Variants in NR2F1 observed in about 807,000 individuals in gnomAD.
NR2F1 encodes the protein nuclear receptor subfamily 2 group F member 1, also known as COUP transcription factor 1.
In NR2F1, 1 loss-of-function variant was observed where a neutral mutation model predicts 37.7. The ratio of observed to expected loss-of-function variants is 0.03; its 90% CI spans 0.01 to 0.13. NR2F1 has a LOEUF of 0.13. Ranked by LOEUF, NR2F1 falls within the 10% of genes least tolerant of loss-of-function variation. NR2F1 has a pLI of 1.00. For missense variants in NR2F1, 268 were observed against 578.4 expected (o/e 0.46, Z 5.50); for synonymous variants, 275 against 259.6 (o/e 1.06, Z -0.57).
At position 93,584,215 on chromosome 5, in the gene NR2F1, A is replaced by C. The variant is rs1171366800; in HGVS notation, c.-809A>C. 4 of 146,774 alleles carry C rather than the reference A, an allele frequency of 2.7e-5. No individual in the cohort carries two copies. The highest frequency in any genetic ancestry group is 6.1e-5 in the Non-Finnish European group (4 of 66,088). 9.1% of individuals were successfully genotyped at this position (146,774 alleles called of 1,614,324 possible). ...CGCTCGCGCTCCGGCTGCGGCCCCG[A>C]CTCCTGCTCGGACTCCGGCCCGGGT... On this transcript the variant is annotated 5_prime_UTR_variant, in exon 1 of 3. Transcript: ENST00000327111.
At position 93,587,967 on chromosome 5, in the gene NR2F1, G is replaced by A. The variant is rs748864451; in HGVS notation, c.514G>A (p.Ala172Thr). 1 of 1,610,446 alleles carries A rather than the reference G, an allele frequency of 6.2e-7. No individual in the cohort carries two copies. The highest frequency in any genetic ancestry group is 8.5e-7 in the Non-Finnish European group (1 of 1,177,894). ...AACCCAGCCCAATCCAGGCCAGTAC[G>A]CACTCACCAACGGGGACCCCCTCAA... ...PPTQPNPGQY[A>T]LTNGDPLNGH... The change falls in exon 2 of 3, where the codon GCA becomes ACA. Residue 172 changes from alanine (A) to threonine (T), a missense_variant. Ala to Thr is a moderately conservative substitution (Grantham distance 58, BLOSUM62 0). This residue lies in a region of NR2F1 where 42 missense variants were observed against 72.5 expected (regional missense o/e 0.58). Coordinates refer to ENST00000327111, the MANE Select transcript of NR2F1 (RefSeq NM_005654.6).
At chr5:93,588,827 C>T (rs2149943488) in intron 2 of NR2F1, among the ~76,000 whole-genome samples, 1 of 150,932 alleles carries the variant, frequency 6.6e-6, no homozygotes, top group East Asian at 2.0e-4. Context: ...GTGTGTGTGT[C>T]TGTGTGTGGT....
rs1753362878 is a variant in NR2F1, at chr5:93,593,191, G to A, written c.992-371G>A. Among the ~76,000 whole-genome samples, 2 of 152,160 alleles carry A rather than the reference G, an allele frequency of 1.3e-5. No individual in the cohort carries two copies. The highest frequency in any genetic ancestry group is 4.1e-4 in the South Asian group (2 of 4,828). ...CCAGAAAGATGCTCCCTTGCAGGCC[G>A]AGGACAGGTTGTTAAGCGCAGCAAA... On this transcript the variant is annotated intron_variant, in intron 2 of 2. Coordinates refer to ENST00000327111, the MANE Select transcript of NR2F1 (RefSeq NM_005654.6). The surrounding 1 kb of genome is among the most constrained non-coding windows in gnomAD (Gnocchi z 5.6).
At chr5:93,588,683 G>GGCCGGGCC (rs1160042472) in intron 2 of NR2F1, among the ~76,000 whole-genome samples, 5 of 151,172 alleles carry the variant, frequency 3.3e-5, no homozygotes, top group African/African-American at 7.3e-5. Context: ...GCCGGCGGGC[G>GGCCGGGCC]GCCGGGCCTA....
chr5:93,586,410 TA>T (rs34632264), intron 1 of NR2F1, among the ~76,000 whole-genome samples: 4 of 151,142 alleles, frequency 2.6e-5, no homozygotes, highest in Non-Finnish European at 4.4e-5. Context: ...TTGTTTTTTT[TA>T]AAAAAAAACA....
At chr5:93,589,847 C>G (rs771505194) in intron 2 of NR2F1, among the ~76,000 whole-genome samples, 1 of 152,218 alleles carries the variant, frequency 6.6e-6, no homozygotes, top group Non-Finnish European at 1.5e-5. Context: ...TTTATTTAGA[C>G]AAGAGCATCT....
At chr5:93,590,476 G>A (rs1212948069) in intron 2 of NR2F1, among the ~76,000 whole-genome samples, 4 of 152,142 alleles carry the variant, frequency 2.6e-5, no homozygotes, top group African/African-American at 9.7e-5. Context: ...GTTTTCCAAG[G>A]AAGTTTCTTG....
chr5:93,588,547 GCGGGC>G, intron 2 of NR2F1, 103 bp downstream of exon 2: 1 of 771,962 alleles, frequency 1.3e-6, no homozygotes, highest in Non-Finnish European at 1.6e-6. Context: ...CCGGTGCGGG[GCGGGC>G]CGGGCCCTCG....
rs927138129 is a variant in NR2F1, at chr5:93,584,323, G to T, written c.-701G>T. On this transcript the variant is annotated 5_prime_UTR_variant, in exon 1 of 3. Coordinates refer to ENST00000327111, the MANE Select transcript of NR2F1 (RefSeq NM_005654.6). Reference sequence around the variant, plus strand: ...TGCAGCCGCGACCTCCTCCTCCTCCGCCGCCGCCGCCGCCTCCGCCCTCGC... The same window carrying T: ...TGCAGCCGCGACCTCCTCCTCCTCCTCCGCCGCCGCCGCCTCCGCCCTCGC... 9 of 149,108 alleles carry T rather than the reference G, an allele frequency of 6.0e-5. No individual in the cohort carries two copies. Among genetic ancestry groups the T allele is most frequent in the South Asian group, 1.8e-4 (1 of 5,444 alleles). The allele number at this position is 149,108 out of a possible 1,614,324, so 9.2% of individuals were successfully genotyped here. A position where few individuals can be genotyped will look rare whatever the true frequency, so the allele number is the denominator to read the frequency against.
chr5:93,585,702 C>T (rs1214764048), intron 1 of NR2F1: 1 of 559,402 alleles, frequency 1.8e-6, no homozygotes, highest in Non-Finnish European at 3.2e-6. Flanking sequence ...GCGCTCATCT[C>T]CCCGGCTCCC....
In NR2F1 at chr5:93,584,596, CGA is replaced by C. The variant is rs1341956728; in HGVS notation, c.-423_-422del. 1.5e-5 allele frequency: 2 copies of C among 136,390 alleles called. No individual in the cohort carries two copies. Among genetic ancestry groups the C allele is most frequent in the African/African-American group, 5.5e-5 (2 of 36,502 alleles). The allele number at this position is 136,390 out of a possible 1,614,324, so 8.4% of individuals were successfully genotyped here. A position where few individuals can be genotyped will look rare whatever the true frequency, so the allele number is the denominator to read the frequency against. ...TGCAACTTGGGGAAGAAGAAAAAAGCGAGAGAAGGGAGCTTGCTCGCCGGGGG... is the reference window on the plus strand; with the variant it reads ...TGCAACTTGGGGAAGAAGAAAAAAGCGAGAAGGGAGCTTGCTCGCCGGGGG... On this transcript the variant is annotated 5_prime_UTR_variant, in exon 1 of 3. Coordinates refer to ENST00000327111, the MANE Select transcript of NR2F1 (RefSeq NM_005654.6).
Position 93,584,963 on chromosome 5 carries a change from C to G in NR2F1, c.-61C>G. The G allele has an allele frequency of 1.3e-6, 1 of 751,782 alleles. No individual in the cohort carries two copies. Among genetic ancestry groups the G allele is most frequent in the Non-Finnish European group, 1.6e-6 (1 of 618,318 alleles). 46.6% of individuals were successfully genotyped at this position (751,782 alleles called of 1,614,324 possible). A position where few individuals can be genotyped will look rare whatever the true frequency, so the allele number is the denominator to read the frequency against. On this transcript the variant is annotated 5_prime_UTR_variant, in exon 1 of 3. Transcript: ENST00000327111. ...TCCCCTTCCCCTCCCAGCGCGCCCG[C>G]GCGCCCCGCGGCCCTCGGCGAGCAG...
At position 93,584,699 on chromosome 5, in the gene NR2F1, T is replaced by G; in HGVS notation, c.-325T>G. On this transcript the variant is annotated 5_prime_UTR_variant, in exon 1 of 3. Coordinates refer to ENST00000327111, the MANE Select transcript of NR2F1 (RefSeq NM_005654.6). ...GGAGCGGGCGAGGGGAGCAGGGGTG[T>G]TGGGGGGGGAGCCTGAGAGCCTGGG... The G allele has an allele frequency of 1.5e-5, 2 of 134,942 alleles. No individual in the cohort carries two copies. Among genetic ancestry groups the G allele is most frequent in the South Asian group, 2.3e-4 (1 of 4,414 alleles). The allele number at this position is 134,942 out of a possible 1,614,324, so 8.4% of individuals were successfully genotyped here.
intron 2 of NR2F1, among the ~76,000 whole-genome samples, chr5:93,589,542 C>T (rs965134857): frequency 6.6e-6 from 1 of 152,248 alleles, no homozygotes; most frequent in African/African-American, 2.4e-5. Context: ...GTTTTACCAC[C>T]ATTATTGGCA....
At chr5:93,585,941 A>C (rs1753224903) in intron 1 of NR2F1, among the ~76,000 whole-genome samples, 1 of 151,210 alleles carries the variant, frequency 6.6e-6, no homozygotes, top group Non-Finnish European at 1.5e-5. Flanking sequence ...CCACCTCTTC[A>C]TACCCTTTAT....
Position 93,583,965 on chromosome 5 carries a change from A to ATT in NR2F1, c.-1059_-1058insTT, listed in dbSNP as rs1378768767. On this transcript the variant is annotated 5_prime_UTR_variant, in exon 1 of 3. Transcript: ENST00000327111. ...GCGCCACCGGCACAACAAAAAGAGC[A>ATT]AAGTGTGTGATCTTCCTCGCCGGCT... 1 of 152,168 alleles carries ATT rather than the reference A, an allele frequency of 6.6e-6. No individual in the cohort carries two copies. The highest frequency in any genetic ancestry group is 2.4e-5 in the African/African-American group (1 of 41,330). The allele number at this position is 152,168 out of a possible 1,614,324, so 9.4% of individuals were successfully genotyped here.
chr5:93,589,936 TGA>T (rs1405850445), intron 2 of NR2F1, among the ~76,000 whole-genome samples: 1 of 152,242 alleles, frequency 6.6e-6, no homozygotes, highest in Non-Finnish European at 1.5e-5. Flanking sequence ...GGTCTGCTAG[TGA>T]GAGAGGGAGT....
In NR2F1 at chr5:93,593,392, G is replaced by GA. The variant is rs1218989925; in HGVS notation, c.992-168dup. On this transcript the variant is annotated intron_variant, in intron 2 of 2. Coordinates refer to ENST00000327111, the MANE Select transcript of NR2F1 (RefSeq NM_005654.6). This position sits in a 1 kb window ranked among gnomAD's most constrained non-coding sequence, Gnocchi z 5.6. Reference sequence around the variant, plus strand: ...TGGGGGCGGGGGAGGAGGGAATGAAGAAGGGGATGGAGAGGTATAGGAGGG... The same window carrying GA: ...TGGGGGCGGGGGAGGAGGGAATGAAGAAAGGGGATGGAGAGGTATAGGAGGG... 3.9e-5 allele frequency among the ~76,000 whole-genome samples: 6 copies of GA among 152,054 alleles called. No homozygotes were observed. The highest frequency in any genetic ancestry group is 7.4e-5 in the Non-Finnish European group (5 of 68,006).
chr5:93,591,663 C>T (rs1328350809), intron 2 of NR2F1, among the ~76,000 whole-genome samples: 2 of 151,828 alleles, frequency 1.3e-5, no homozygotes, highest in Non-Finnish European at 2.9e-5. Flanking sequence ...TTTTACTGAG[C>T]TGAGGGGATG....
Sources: gnomAD v4.1 joint callset for allele counts (sites outside exome capture counted in the v4.1 genomes callset) on GRCh38, gnomAD v4.1.1 for gene constraint, gnomAD v4.1.1 regional missense constraint, Gnocchi (gnomAD v3.1) non-coding constraint, MANE v1.5 for transcripts, NCBI Gene and HGNC (gene_info 2026-07-23, HGNC 2026-07-21) for gene names.